The following ATF6 variants were observed in gnomAD, a reference collection of about 807,000 sequenced individuals.
ATF6 encodes the protein cyclic AMP-dependent transcription factor ATF-6 alpha.
Under a neutral mutation model 83.6 loss-of-function variants are expected in ATF6, and 53 were observed. The ratio of observed to expected loss-of-function variants is 0.63; its 90% confidence interval spans 0.51 to 0.80. ATF6 has a LOEUF of 0.80. ATF6 is among the 30% of genes least tolerant of loss of function. ATF6 has a pLI of 0.00. For missense variants in ATF6, 744 were observed against 797.9 expected (o/e 0.93, Z 0.81); for synonymous variants, 288 against 285.8 (o/e 1.01, Z -0.08).
chr1:161,952,950 T>C (rs756254401), intron 15 of ATF6, among the ~76,000 whole-genome samples: 1 of 152,166 alleles, frequency 6.6e-6, no homozygotes, highest in Non-Finnish European at 1.5e-5. Context: ...GGTTTGAATC[T>C]CTCCTGCCAT....
intron 3 of ATF6, among the ~76,000 whole-genome samples, chr1:161,783,474 A>C (rs769386948): frequency 1.3e-5 from 2 of 152,174 alleles, no homozygotes; most frequent in Admixed American, 6.5e-5. Context: ...TAATAGTTTA[A>C]AAGATATGAA....
intron 14 of ATF6, among the ~76,000 whole-genome samples, chr1:161,866,178 A>G (rs1640187288): frequency 2.0e-5 from 3 of 152,228 alleles, no homozygotes; most frequent in South Asian, 2.1e-4. Flanking sequence ...GACATTTATA[A>G]CAAAGCCAAT....
rs190760652 is a variant in ATF6 at position 161,896,361 on chromosome 1, T to C, written c.1720-15935T>C. ...ATCTGCCTGCCTCGGCCTCCCAAAGTGCTGAAATTACAGGCGTGAGCCACC... is the reference window on the plus strand; with the variant it reads ...ATCTGCCTGCCTCGGCCTCCCAAAGCGCTGAAATTACAGGCGTGAGCCACC... On this transcript the variant is annotated intron_variant, in intron 14 of 15. Transcript: ENST00000367942. 4.0e-3 allele frequency among the ~76,000 whole-genome samples: 616 copies of C among 152,342 alleles called. 2 individuals carry two copies. The highest frequency in any genetic ancestry group is 6.6e-3 in the Non-Finnish European group (446 of 68,022).
chr1:161,946,849 G>A (rs1313427683), intron 15 of ATF6, among the ~76,000 whole-genome samples: 1 of 152,140 alleles, frequency 6.6e-6, no homozygotes, highest in African/African-American at 2.4e-5. Context: ...CTCCATCCCT[G>A]GCTGTTACCC....
intron 4 of ATF6, among the ~76,000 whole-genome samples, chr1:161,789,643 A>AT (rs1684833558): frequency 6.6e-6 from 1 of 151,936 alleles, no homozygotes; most frequent in African/African-American, 2.4e-5. Flanking sequence ...GCAGGTATCT[A>AT]TTTTTTATCC....
chr1:161,796,638 C>G (rs1685027772), intron 6 of ATF6, among the ~76,000 whole-genome samples: 1 of 152,174 alleles, frequency 6.6e-6, no homozygotes, highest in South Asian at 2.1e-4. Flanking sequence ...TAAATCTTCA[C>G]TAAATTCTTA....
At chr1:161,941,957 C>G (rs1371305918) in intron 15 of ATF6, among the ~76,000 whole-genome samples, 1 of 151,018 alleles carries the variant, frequency 6.6e-6, no homozygotes, top group African/African-American at 2.4e-5. Flanking sequence ...TCCTCTTCCT[C>G]TTATCTTCTT....
At chr1:161,936,035 G>A (rs182895357) in intron 15 of ATF6, among the ~76,000 whole-genome samples, 330 of 152,266 alleles carry the variant, frequency 2.2e-3, no homozygotes, top group Middle Eastern at 0.017. Context: ...TTTGAAGATG[G>A]CCATTTTGTA....
intron 14 of ATF6, among the ~76,000 whole-genome samples, chr1:161,897,391 G>A (rs1250602859): frequency 4.6e-5 from 7 of 152,030 alleles, no homozygotes; most frequent in African/African-American, 1.7e-4. Flanking sequence ...AGTGAGTCAA[G>A]GTGCCATTGC....
intron 9 of ATF6, among the ~76,000 whole-genome samples, chr1:161,842,299 G>T (rs1686375768): frequency 6.6e-6 from 1 of 151,842 alleles, no homozygotes; most frequent in Admixed American, 6.5e-5. Context: ...GCGGAAAACA[G>T]TGTGGAGATT....
chr1:161,935,451 C>T (rs1688518374), intron 15 of ATF6, among the ~76,000 whole-genome samples: 1 of 152,196 alleles, frequency 6.6e-6, no homozygotes, highest in South Asian at 2.1e-4. Flanking sequence ...GAAGCAAACC[C>T]TCACCAGACA....
chr1:161,768,554 T>TTTGTTG (rs796902735), intron 1 of ATF6, among the ~76,000 whole-genome samples: 1 of 151,988 alleles, frequency 6.6e-6, no homozygotes, highest in East Asian at 1.9e-4. Context: ...TTTACTTGAT[T>TTTGTTG]TTGTTGTTGT....
At chr1:161,898,865 T>A (rs1018345499) in intron 14 of ATF6, among the ~76,000 whole-genome samples, 1 of 152,148 alleles carries the variant, frequency 6.6e-6, no homozygotes. Flanking sequence ...TGTATTTTTA[T>A]GTATATCCTC....
intron 11 of ATF6, 78 bp downstream of exon 11, chr1:161,851,913 C>T (rs1321407601): frequency 6.1e-6 from 6 of 986,010 alleles, no homozygotes; most frequent in Non-Finnish European, 9.6e-6. Context: ...AGTAATTGGT[C>T]AAGTTCACTA....
intron 9 of ATF6, among the ~76,000 whole-genome samples, chr1:161,841,111 G>T (rs959454620): frequency 3.3e-5 from 5 of 152,046 alleles, no homozygotes; most frequent in Non-Finnish European, 5.9e-5. Context: ...AGCACTCATG[G>T]CAAGAATCTA....
At chr1:161,900,559 G>A (rs1400315529) in intron 14 of ATF6, among the ~76,000 whole-genome samples, 2 of 152,072 alleles carry the variant, frequency 1.3e-5, no homozygotes, top group South Asian at 2.1e-4. Flanking sequence ...AGTATGGTAG[G>A]AAGAATAAAA....
In ATF6 at chr1:161,957,062, G is replaced by A. The variant is rs1688980617; in HGVS notation, c.1805-1384G>A. Among the ~76,000 whole-genome samples the A allele has an allele frequency of 2.0e-5, 3 of 151,928 alleles. No homozygotes were observed. The South Asian group carries it at 6.2e-4, about 32-fold the overall frequency. On this transcript the variant is annotated intron_variant, in intron 15 of 15. Coordinates refer to ENST00000367942, the MANE Select transcript of ATF6 (RefSeq NM_007348.4). ...TCTGTTTTAGCTCTCTAAGTGACAA[G>A]CTCCACAGCATAGTTGTCCCATACA...
chr1:161,845,775 CAA>C (rs66887008), intron 9 of ATF6, among the ~76,000 whole-genome samples: 50 of 74,548 alleles, frequency 6.7e-4, no homozygotes, highest in African/African-American at 1.2e-3. Context: ...GACCCTGTCT[CAA>C]AAAAAAAAAA....
intron 8 of ATF6, among the ~76,000 whole-genome samples, chr1:161,820,317 G>A (rs774085179): frequency 3.9e-4 from 59 of 152,078 alleles, no homozygotes; most frequent in Non-Finnish European, 7.7e-4. Context: ...CTACTGAATG[G>A]GGCTTCTTAC....
Sources: gnomAD v4.1 joint callset for allele counts (sites outside exome capture counted in the v4.1 genomes callset) on GRCh38, gnomAD v4.1.1 for gene constraint, MANE v1.5 for transcripts, NCBI Gene and HGNC (gene_info 2026-07-23, HGNC 2026-07-21) for gene names.